Variants in DTNB observed in about 807,000 individuals in gnomAD.
DTNB encodes the protein DTN-B.
A neutral mutation model predicts 90.7 loss-of-function variants in DTNB; 63 were observed. That is an observed-to-expected ratio of 0.69 (90% CI 0.57 to 0.86). DTNB has a LOEUF of 0.86. Ranked by LOEUF, DTNB falls within the 40% of genes least tolerant of loss-of-function variation. The pLI is 0.00. For missense variants in DTNB, 744 were observed against 807.1 expected (o/e 0.92, Z 0.95); for synonymous variants, 277 against 286.7 (o/e 0.97, Z 0.34).
At chr2:25,393,669 T>G (rs2041733708) in intron 16 of DTNB, among the ~76,000 whole-genome samples, 1 of 151,964 alleles carries the variant, frequency 6.6e-6, no homozygotes, top group Non-Finnish European at 1.5e-5. Context: ...AATAAAATAC[T>G]TAGGAATATA....
intron 4 of DTNB, among the ~76,000 whole-genome samples, chr2:25,614,193 G>A (rs1365744023): frequency 1.3e-5 from 2 of 152,014 alleles, no homozygotes; most frequent in Non-Finnish European, 2.9e-5. Context: ...TGTGACAATG[G>A]GCATCTTTAA....
chr2:25,591,732 C>A (rs2063610959), intron 6 of DTNB, among the ~76,000 whole-genome samples: 1 of 152,000 alleles, frequency 6.6e-6, no homozygotes, highest in Non-Finnish European at 1.5e-5. Flanking sequence ...TATTAAAATT[C>A]TTAAAAATAT....
intron 10 of DTNB, among the ~76,000 whole-genome samples, chr2:25,461,811 G>GC (rs1189444513): frequency 1.3e-5 from 2 of 152,218 alleles, no homozygotes; most frequent in Non-Finnish European, 2.9e-5. Context: ...GTTTTGATGA[G>GC]CGGGGACACT....
chr2:25,549,924 G>C (rs2083247675), intron 8 of DTNB, among the ~76,000 whole-genome samples: 2 of 152,070 alleles, frequency 1.3e-5, no homozygotes, highest in Admixed American at 1.3e-4. Context: ...CCCTCCCAAA[G>C]TGCTGGGATT....
chr2:25,658,033 GATC>G (rs551300821), intron 1 of DTNB, among the ~76,000 whole-genome samples: 134 of 152,212 alleles, frequency 8.8e-4, no homozygotes, highest in African/African-American at 3.0e-3. Context: ...GAGGTGGGTG[GATC>G]ATCTGAGGTC....
intron 16 of DTNB, among the ~76,000 whole-genome samples, chr2:25,409,990 C>G (rs75601645): frequency 5.3e-5 from 8 of 152,218 alleles, no homozygotes; most frequent in Non-Finnish European, 8.8e-5. Context: ...CAGATCATGT[C>G]TCTATTTTCA....
Position 25,615,332 on chromosome 2 carries a change from G to T in DTNB, c.363-8011C>A, listed in dbSNP as rs539758433. ...TTAATAGAGGCTTCATTACCTAGGG[G>T]TGACTGATTATATCTTTGGCCACTG... On this transcript the variant is annotated intron_variant, in intron 4 of 20. Coordinates refer to ENST00000406818, the MANE Select transcript of DTNB (RefSeq NM_021907.5). 3.8e-4 allele frequency among the ~76,000 whole-genome samples: 58 copies of T among 152,172 alleles called. 1 individual carries two copies. The South Asian group carries it at 4.8e-3, about 13-fold the overall frequency.
At chr2:25,399,373 T>A (rs1294769458) in intron 16 of DTNB, 1 of 146,390 alleles carries the variant, frequency 6.8e-6, no homozygotes. Context: ...TTAGACAGGA[T>A]CTTGCTGTTT....
Position 25,388,218 on chromosome 2 carries a change from C to A in DTNB, c.1719G>T (p.Gln573His), listed in dbSNP as rs778149402. The stretch of plus-strand genomic sequence containing the variant: ...GAAACTCACCTTGTGCGAAGGCCTC[C>A]TGCACGTCTCCCCCGACTCCGCTCA... The part of the protein sequence containing the change: ...DSLSGVGGDV[Q>H]EAFAQGTRRN... Residue 573 changes from glutamine (Q) to histidine (H), a missense_variant, in exon 17 of 21, where the codon CAG becomes CAT. Physicochemically the swap from Gln to His is conservative, Grantham distance 24. Transcript: ENST00000406818. 1.8e-5 allele frequency: 29 copies of A among 1,580,272 alleles called. No individual in the cohort carries two copies. Among genetic ancestry groups the A allele is most frequent in the Non-Finnish European group, 2.5e-5 (29 of 1,163,506 alleles).
At chr2:25,512,530 T>A (rs1558827593) in intron 9 of DTNB, among the ~76,000 whole-genome samples, 1 of 152,226 alleles carries the variant, frequency 6.6e-6, no homozygotes, top group Non-Finnish European at 1.5e-5. Context: ...AGTCCTGGTT[T>A]AATACATACT....
At chr2:25,618,762 C>T (rs1332343411) in intron 4 of DTNB, among the ~76,000 whole-genome samples, 1 of 152,148 alleles carries the variant, frequency 6.6e-6, no homozygotes, top group Non-Finnish European at 1.5e-5. Context: ...AGGGAATGTC[C>T]TCCTTCAGTA....
rs184136738 is a variant in DTNB at position 25,478,964 on chromosome 2, C to T, written c.1079+3832G>A. Among the ~76,000 whole-genome samples, 176 of 152,312 alleles carry T rather than the reference C, an allele frequency of 1.2e-3. 1 individual carries two copies. The highest frequency in any genetic ancestry group is 2.1e-4 in the South Asian group (1 of 4,830). On this transcript the variant is annotated intron_variant, in intron 10 of 20. Coordinates refer to ENST00000406818, the MANE Select transcript of DTNB (RefSeq NM_021907.5). ...GAGAGGCAGCTCGGAGAAGGAGGGC[C>T]GCCTGGGGGCATTCCAGCTGCTTTT...
intron 12 of DTNB, among the ~76,000 whole-genome samples, chr2:25,435,320 C>T (rs1193915523): frequency 3.3e-5 from 5 of 152,112 alleles, no homozygotes; most frequent in South Asian, 2.1e-4. Flanking sequence ...CAGGCTTGGC[C>T]GAATTCAGTA....
chr2:25,656,108 C>T (rs572148213), intron 1 of DTNB, among the ~76,000 whole-genome samples: 1 of 152,256 alleles, frequency 6.6e-6, no homozygotes, highest in Admixed American at 6.5e-5. Context: ...GGATAACCTC[C>T]AAAATAAAAT....
intron 9 of DTNB, 141 bp from the exon 10 acceptor site, chr2:25,483,014 C>A: frequency 1.3e-6 from 1 of 796,058 alleles, no homozygotes. Context: ...GGGGGGGACC[C>A]ATGGGGAAGG....
At position 25,419,354 on chromosome 2, in the gene DTNB, T is replaced by C. The variant is rs986434150; in HGVS notation, c.1575+161A>G. On this transcript the variant is annotated intron_variant, in intron 16 of 20. Transcript: ENST00000406818. Reference sequence around the variant, plus strand: ...ACTGGGTAAACATGCCTTGAACTTTTAGGCCATTTTACAACACCATGGGGA... The same window carrying C: ...ACTGGGTAAACATGCCTTGAACTTTCAGGCCATTTTACAACACCATGGGGA... 3 of 1,101,702 alleles carry C rather than the reference T, an allele frequency of 2.7e-6. No homozygotes were observed. The Admixed American group carries it at 6.2e-5, about 23-fold the overall frequency. 68.2% of individuals were successfully genotyped at this position (1,101,702 alleles called of 1,614,324 possible).
chr2:25,456,792 T>C (rs993661655), intron 10 of DTNB, among the ~76,000 whole-genome samples: 1 of 151,988 alleles, frequency 6.6e-6, no homozygotes, highest in African/African-American at 2.4e-5. Context: ...GGTCTTGAAC[T>C]CCTGACCTCA....
At chr2:25,560,771 AAG>A (rs1327952815) in intron 8 of DTNB, among the ~76,000 whole-genome samples, 1 of 152,160 alleles carries the variant, frequency 6.6e-6, no homozygotes, top group Non-Finnish European at 1.5e-5. Flanking sequence ...TCCTAATACA[AAG>A]AGATACTTTC....
chr2:25,541,341 G>A (rs911021421), intron 8 of DTNB, among the ~76,000 whole-genome samples: 3 of 151,984 alleles, frequency 2.0e-5, no homozygotes, highest in Non-Finnish European at 4.4e-5. Flanking sequence ...TTAGCTGGGC[G>A]TGGTGGTGGG....
Sources: allele counts gnomAD v4.1 joint callset (sites outside exome capture counted in the v4.1 genomes callset), GRCh38; gene constraint gnomAD v4.1.1; transcripts MANE v1.5; gene names NCBI Gene and HGNC (gene_info 2026-07-23, HGNC 2026-07-21).